DST: variants seen among roughly 807,000 people sequenced by gnomAD.
DST encodes bullous pemphigoid antigen.
DST carries 253 observed loss-of-function variants against 875.2 expected under a neutral mutation model. The observed-to-expected ratio is 0.29, with a 90% CI of 0.26 to 0.32. The LOEUF is 0.32. DST is among the 10% of genes least tolerant of loss of function. DST has a pLI of 1.00. For synonymous variants in DST, 3,124 were observed against 3,197.1 expected (o/e 0.98, Z 0.77); for missense variants, 8,287 against 9,111.6 (o/e 0.91, Z 3.68).
chr6:56,947,395 C>T (rs1385911783), intron 2 of DST, among the ~76,000 whole-genome samples: 5 of 151,974 alleles, frequency 3.3e-5, no homozygotes, highest in African/African-American at 1.2e-4. Context: ...GGACTACAGG[C>T]GTGCGCCACC....
intron 79 of DST, 29 bp downstream of exon 79, chr6:56,501,491 A>G (rs533376756): frequency 1.4e-6 from 2 of 1,435,938 alleles, no homozygotes; most frequent in Admixed American, 5.8e-5. Flanking sequence ...GAAAATTTAT[A>G]ATTTCTTAAG....
At chr6:56,916,778 TCA>T (rs70989742) in intron 2 of DST, among the ~76,000 whole-genome samples, 1,017 of 91,280 alleles carry the variant, frequency 0.011, 17 homozygotes, top group Admixed American at 0.044. Flanking sequence ...TCTCTCTCTC[TCA>T]CACACACACA....
intron 28 of DST, among the ~76,000 whole-genome samples, chr6:56,632,602 G>A (rs943896466): frequency 2.0e-4 from 30 of 152,278 alleles, no homozygotes; most frequent in Middle Eastern, 3.4e-3. Context: ...TAGTGAAAAC[G>A]TTGAAAAGTA....
intron 10 of DST, among the ~76,000 whole-genome samples, chr6:56,656,888 G>GA (rs2099011529): frequency 6.6e-6 from 1 of 152,038 alleles, no homozygotes; most frequent in Non-Finnish European, 1.5e-5. Flanking sequence ...GACATACTCA[G>GA]AAAAAATAAA....
At chr6:56,762,135 T>C (rs1336461933) in intron 4 of DST, among the ~76,000 whole-genome samples, 1 of 152,060 alleles carries the variant, frequency 6.6e-6, no homozygotes, top group Non-Finnish European at 1.5e-5. Flanking sequence ...ATTCTCCTGT[T>C]TCAGCCTCCT....
At chr6:56,924,459 T>C (rs1466371995) in intron 2 of DST, among the ~76,000 whole-genome samples, 1 of 152,218 alleles carries the variant, frequency 6.6e-6, no homozygotes, top group Non-Finnish European at 1.5e-5. Context: ...TCTGTATGTA[T>C]ATACATACAC....
intron 3 of DST, among the ~76,000 whole-genome samples, chr6:56,856,821 T>C (rs1380406883): frequency 6.6e-6 from 1 of 152,188 alleles, no homozygotes; most frequent in East Asian, 1.9e-4. Context: ...TGCAGGAAAG[T>C]GTCCTTATCC....
intron 4 of DST, among the ~76,000 whole-genome samples, chr6:56,797,570 A>G (rs1183365690): frequency 6.6e-6 from 1 of 152,194 alleles, no homozygotes; most frequent in African/African-American, 2.4e-5. Context: ...ATGGTGGCCC[A>G]CACCTATAAT....
At chr6:56,477,220 G>C (rs1337503912) in intron 91 of DST, 125 bp downstream of exon 91, 2 of 1,058,316 alleles carry the variant, frequency 1.9e-6, no homozygotes, top group African/African-American at 3.2e-5. Context: ...GTATTTAAAA[G>C]AACGTTTTCT....
At chr6:56,953,923 C>T (rs1225902589) in intron 1 of DST, 104 bp from the exon 2 acceptor site, 3 of 733,968 alleles carry the variant, frequency 4.1e-6, no homozygotes, top group Admixed American at 2.8e-5. Context: ...AAGCACATCG[C>T]AGACTCCTGG....
chr6:56,602,945 C>A lies in DST; in HGVS notation c.11244G>T (p.Lys3748Asn), dbSNP rs746974211. ...DWVSEKSKSVKDIEIVNVQDS... is the reference protein window; with the variant it reads ...DWVSEKSKSVNDIEIVNVQDS... ...CTTGAACATTCACAATCTCAATATC[C>A]TTCACAGATTTGCTCTTCTCTGATA... Residue 3748 changes from lysine to asparagine, a missense_variant, in exon 43 of 104, where the codon AAG (lysine) becomes AAT (asparagine). By Grantham distance (94) the Lys-to-Asn change is moderately conservative (BLOSUM62 0). Coordinates refer to ENST00000680361, the MANE Select transcript of DST (RefSeq NM_001374736.1). 10 of 1,590,906 alleles carry A rather than the reference C, an allele frequency of 6.3e-6. No homozygotes were observed. The highest frequency in any genetic ancestry group is 8.5e-6 in the Non-Finnish European group (10 of 1,173,372).
At chr6:56,488,496 G>A (rs2095636454) in intron 86 of DST, among the ~76,000 whole-genome samples, 1 of 152,114 alleles carries the variant, frequency 6.6e-6, no homozygotes, top group African/African-American at 2.4e-5. Context: ...TGCCAGCAGA[G>A]CAAGCCATTC....
chr6:56,590,532 A>G (rs897737480), intron 49 of DST, among the ~76,000 whole-genome samples: 1 of 152,142 alleles, frequency 6.6e-6, no homozygotes, highest in African/African-American at 2.4e-5. Flanking sequence ...CCCCCACCAC[A>G]TATCTTGTCC....
intron 51 of DST, among the ~76,000 whole-genome samples, chr6:56,573,343 A>G (rs1461986235): frequency 6.6e-6 from 1 of 152,226 alleles, no homozygotes; most frequent in Non-Finnish European, 1.5e-5. Context: ...GGGATTAGCC[A>G]TGGTCCTAAT....
chr6:56,794,376 A>T (rs930250232), intron 4 of DST, among the ~76,000 whole-genome samples: 8 of 152,196 alleles, frequency 5.3e-5, no homozygotes, highest in Non-Finnish European at 1.2e-4. Flanking sequence ...CAGTAATGGA[A>T]TCTGTGTTTA....
intron 20 of DST, 35 bp downstream of exon 20, chr6:56,639,659 GAT>G (rs1563381150): frequency 3.1e-6 from 5 of 1,612,488 alleles, no homozygotes; most frequent in Non-Finnish European, 4.2e-6. Flanking sequence ...GCCAAATATA[GAT>G]AAGGGAAACA....
In DST at chr6:56,634,176, G is replaced by C. The variant is rs1167020024; in HGVS notation, c.3577C>G (p.Leu1193Val). The change falls in exon 27 of 104, where the codon CTC becomes GTC. Residue 1193 changes from leucine (L) to valine (V), a missense_variant. Leu to Val is a conservative substitution (Grantham distance 32). Coordinates refer to ENST00000680361, the MANE Select transcript of DST (RefSeq NM_001374736.1). ...NMKSVVSWHYLINEIDRIRAS... is the reference protein window; with the variant it reads ...NMKSVVSWHYVINEIDRIRAS... ...CGAATTCTATCAATTTCATTGATGA[G>C]ATAATGCCAGGATACTACACTCTTC... The C allele has an allele frequency of 6.2e-7, 1 of 1,613,456 alleles. No individual in the cohort carries two copies.
At chr6:56,559,040 G>T (rs1043468598) in intron 58 of DST, among the ~76,000 whole-genome samples, 2 of 152,074 alleles carry the variant, frequency 1.3e-5, no homozygotes, top group African/African-American at 4.8e-5. Flanking sequence ...TTGATGGTGT[G>T]ATCACTTGAC....
At chr6:56,861,683 G>A (rs753914507) in intron 3 of DST, 2 of 152,218 alleles carry the variant, frequency 1.3e-5, no homozygotes, top group African/African-American at 4.8e-5. Flanking sequence ...CCTAGAGGAA[G>A]CTATATGGCA....
Sources: gnomAD v4.1 joint callset for allele counts (sites outside exome capture counted in the v4.1 genomes callset) on GRCh38, gnomAD v4.1.1 for gene constraint, MANE v1.5 for transcripts, NCBI Gene and HGNC (gene_info 2026-07-23, HGNC 2026-07-21) for gene names.